The following DCC variants were observed in gnomAD, a reference collection of about 807,000 sequenced individuals.
DCC encodes netrin receptor DCC.
A neutral mutation model predicts 172.5 loss-of-function variants in DCC; 58 were observed. The observed-to-expected ratio is 0.34, with a 90% CI of 0.27 to 0.42. The LOEUF (loss-of-function observed/expected upper bound fraction) is 0.42, where lower values mean the gene tolerates loss of function less well. Among genes scored for constraint, DCC ranks in the 10% least tolerant of loss-of-function variants. The pLI is 1.00. For synonymous variants in DCC, 709 were observed against 644.5 expected (o/e 1.10, Z -1.52); for missense variants, 1,740 against 1,791.0 (o/e 0.97, Z 0.51).
chr18:53,240,409 A>C (rs182768657), intron 12 of DCC, among the ~76,000 whole-genome samples: 2 of 152,264 alleles, frequency 1.3e-5, no homozygotes, highest in East Asian at 3.9e-4. Context: ...AGTTACAATA[A>C]ATTTTATATA....
chr18:53,325,175 A>G (rs968479070), intron 14 of DCC, among the ~76,000 whole-genome samples: 1 of 144,390 alleles, frequency 6.9e-6, no homozygotes, highest in Non-Finnish European at 1.5e-5. Flanking sequence ...CCTGTGAGAC[A>G]GAGCAAGCAA....
chr18:52,390,882 C>T (rs1223120102), intron 1 of DCC, among the ~76,000 whole-genome samples: 4 of 152,066 alleles, frequency 2.6e-5, no homozygotes, highest in Admixed American at 6.6e-5. Flanking sequence ...TTATACATAG[C>T]GAACATTGAG....
chr18:52,982,374 G>A (rs2041226336), intron 5 of DCC, among the ~76,000 whole-genome samples: 1 of 152,140 alleles, frequency 6.6e-6, no homozygotes, highest in African/African-American at 2.4e-5. Context: ...GACACTAAGA[G>A]TTTCTCTTCT....
intron 1 of DCC, among the ~76,000 whole-genome samples, chr18:52,621,318 T>C (rs2034474398): frequency 1.3e-5 from 2 of 152,294 alleles, no homozygotes; most frequent in South Asian, 4.1e-4. Context: ...CTGAAATAAC[T>C]GCACTGGTGA....
At chr18:52,348,335 C>A (rs1004127758) in intron 1 of DCC, among the ~76,000 whole-genome samples, 1 of 152,120 alleles carries the variant, frequency 6.6e-6, no homozygotes, top group Non-Finnish European at 1.5e-5. Context: ...AGGGTGCATA[C>A]CTAGGAGTGG....
intron 2 of DCC, among the ~76,000 whole-genome samples, chr18:52,899,300 C>A (rs889859744): frequency 4.0e-5 from 6 of 151,422 alleles, no homozygotes; most frequent in African/African-American, 1.5e-4. Context: ...CAGGTGTGCA[C>A]CTCCAGACCT....
chr18:53,530,775 T>C lies in DCC; in HGVS notation c.*122T>C, dbSNP rs2046517328. On this transcript the variant is annotated 3_prime_UTR_variant, in exon 29 of 29. Transcript: ENST00000442544. ...TGTACAGGTCACCCATCAGGACCACTCAGTTAAGGAAGATCCTGAAGCAGT... is the reference window on the plus strand; with the variant it reads ...TGTACAGGTCACCCATCAGGACCACCCAGTTAAGGAAGATCCTGAAGCAGT... 3 of 741,902 alleles carry C rather than the reference T, an allele frequency of 4.0e-6. No homozygotes were observed. The highest frequency in any genetic ancestry group is 3.7e-5 in the Admixed American group (2 of 54,022). 46.0% of individuals were successfully genotyped at this position (741,902 alleles called of 1,614,324 possible).
At chr18:53,431,275 A>G (rs62098289) in intron 21 of DCC, among the ~76,000 whole-genome samples, 2 of 62,598 alleles carry the variant, frequency 3.2e-5, no homozygotes, top group African/African-American at 8.2e-5. Context: ...ACTTTGGCAG[A>G]AGCTTTTTTT....
chr18:53,387,279 A>T (rs1275521443), intron 16 of DCC, among the ~76,000 whole-genome samples: 1 of 152,174 alleles, frequency 6.6e-6, no homozygotes, highest in Non-Finnish European at 1.5e-5. Flanking sequence ...TTGAATTCAT[A>T]ATTGTTATGT....
intron 2 of DCC, chr18:52,809,493 A>G (rs1598825160): frequency 6.5e-6 from 1 of 153,618 alleles, no homozygotes; most frequent in Non-Finnish European, 1.4e-5. Flanking sequence ...ACTAGTGTTC[A>G]GCTTGATTAG....
intron 5 of DCC, among the ~76,000 whole-genome samples, chr18:53,024,778 G>A (rs768128738): frequency 9.2e-5 from 14 of 152,040 alleles, no homozygotes; most frequent in Non-Finnish European, 2.1e-4. Context: ...ATTTTTATGA[G>A]CAATGGGAAA....
chr18:53,199,607 CATATATAT>C (rs10587373), intron 9 of DCC, among the ~76,000 whole-genome samples: 1 of 149,478 alleles, frequency 6.7e-6, no homozygotes, highest in Non-Finnish European at 1.5e-5. Flanking sequence ...TATGTAAGAA[CATATATAT>C]ATATATATGA....
At chr18:53,325,847 C>A (rs1316518061) in intron 14 of DCC, among the ~76,000 whole-genome samples, 2 of 152,072 alleles carry the variant, frequency 1.3e-5, no homozygotes, top group Non-Finnish European at 2.9e-5. Flanking sequence ...TATTGAGAAC[C>A]AGACAGATAA....
intron 9 of DCC, among the ~76,000 whole-genome samples, chr18:53,190,566 A>G (rs932664306): frequency 6.6e-6 from 1 of 151,976 alleles, no homozygotes; most frequent in South Asian, 2.1e-4. Flanking sequence ...TTACCTTTTG[A>G]TAACAGTTCT....
chr18:53,468,371 A>AT lies in DCC; in HGVS notation c.3736+364dup, dbSNP rs1449595914. On this transcript the variant is annotated intron_variant, in intron 25 of 28. Transcript: ENST00000442544. ...ATTTATTTATTTATTTATTTTATTTATTTATTTATTTTATTTATTTATTTA... is the reference window on the plus strand; with the variant it reads ...ATTTATTTATTTATTTATTTTATTTATTTTATTTATTTTATTTATTTATTTA... Among the ~76,000 whole-genome samples, 284 of 133,668 alleles carry AT rather than the reference A, an allele frequency of 2.1e-3. 2 individuals are homozygous for AT. Among genetic ancestry groups the AT allele is most frequent in the Middle Eastern group, 7.6e-3 (2 of 262 alleles). 87.7% of individuals were successfully genotyped at this position (133,668 alleles called of 152,430 possible).
chr18:52,741,445 G>C (rs918408625), intron 1 of DCC, among the ~76,000 whole-genome samples: 1 of 151,980 alleles, frequency 6.6e-6, no homozygotes, highest in Admixed American at 6.6e-5. Flanking sequence ...TTCTTGTGAG[G>C]GTCTGACCTG....
intron 1 of DCC, among the ~76,000 whole-genome samples, chr18:52,712,297 C>T (rs1000300246): frequency 2.0e-5 from 3 of 152,056 alleles, no homozygotes; most frequent in Non-Finnish European, 4.4e-5. Context: ...TGTTAGGTAA[C>T]AATATTAAGC....
chr18:53,452,084 A>G (rs894503734), intron 23 of DCC, among the ~76,000 whole-genome samples: 4 of 152,220 alleles, frequency 2.6e-5, no homozygotes, highest in Admixed American at 6.5e-5. Context: ...CAGAGCTTCC[A>G]CAGTGCAGGG....
At chr18:53,034,120 A>G (rs1300372178) in intron 5 of DCC, among the ~76,000 whole-genome samples, 1 of 151,940 alleles carries the variant, frequency 6.6e-6, no homozygotes, top group Non-Finnish European at 1.5e-5. Flanking sequence ...TCAGTCTCTT[A>G]GCTTTAAATA....
Sources: gnomAD v4.1 joint callset for allele counts (sites outside exome capture counted in the v4.1 genomes callset) on GRCh38, gnomAD v4.1.1 for gene constraint, MANE v1.5 for transcripts, NCBI Gene and HGNC (gene_info 2026-07-23, HGNC 2026-07-21) for gene names.